The following LRRC72 variants were observed in gnomAD, a reference collection of about 807,000 sequenced individuals.
LRRC72 encodes the protein leucine-rich repeat-containing protein 72.
In LRRC72, 41 loss-of-function variants were observed where a neutral mutation model predicts 35.8. The ratio of observed to expected loss-of-function variants is 1.15; its 90% CI spans 0.89 to 1.49. LRRC72 has a LOEUF of 1.49. Among genes scored for constraint, LRRC72 ranks in the 40% most tolerant of loss-of-function variants. The pLI, the probability that LRRC72 is intolerant of heterozygous loss-of-function variation, is 0.00. For missense variants in LRRC72, 389 were observed against 330.7 expected (o/e 1.18, Z -1.37); for synonymous variants, 118 against 119.2 (o/e 0.99, Z 0.07).
At position 16,540,823 on chromosome 7, in the gene LRRC72, CTGAGGCCTTCCCAGCCA is replaced by C. The variant is rs559060783; in HGVS notation, c.234+3130_234+3146del. 1.5e-3 allele frequency among the ~76,000 whole-genome samples: 222 copies of C among 152,318 alleles called. 1 individual carries two copies. Among genetic ancestry groups the C allele is most frequent in the African/African-American group, 5.1e-3 (214 of 41,568 alleles). ...GCCTTACACCATGACTGTAAGCTTC[CTGAGGCCTTCCCAGCCA>C]TGTGGAACTGTGAGTTAATTAAACC... On this transcript the variant is annotated intron_variant, in intron 3 of 8. Transcript: ENST00000401542.
chr7:16,546,474 C>T (rs961271066), intron 3 of LRRC72, among the ~76,000 whole-genome samples: 22 of 152,048 alleles, frequency 1.4e-4, no homozygotes, highest in African/African-American at 5.1e-4. Flanking sequence ...TTGTCAAATG[C>T]TCCCTGGGGG....
At chr7:16,532,150 T>C (rs1417559581) in intron 1 of LRRC72, among the ~76,000 whole-genome samples, 1 of 152,194 alleles carries the variant, frequency 6.6e-6, no homozygotes, top group Non-Finnish European at 1.5e-5. Flanking sequence ...TAATTCTTCA[T>C]GTTCAAAGAA....
Position 16,557,355 on chromosome 7 carries a change from T to A in LRRC72, c.235-5T>A, listed in dbSNP as rs758265674. 1.6e-6 allele frequency: 2 copies of A among 1,219,156 alleles called. No individual in the cohort carries two copies. The highest frequency in any genetic ancestry group is 1.6e-5 in the African/African-American group (1 of 63,510). 75.5% of individuals were successfully genotyped at this position (1,219,156 alleles called of 1,614,324 possible). A position where few individuals can be genotyped will look rare whatever the true frequency, so the allele number is the denominator to read the frequency against. On this transcript the variant is annotated splice_region_variant and splice_polypyrimidine_tract_variant and intron_variant, in intron 3 of 8. Transcript: ENST00000401542. The stretch of plus-strand genomic sequence containing the variant: ...AGTATATTGTTCTCTAACTCTCATT[T>A]TTAGCTCCATGGAATAACATTTCTA...
At chr7:16,575,383 G>C (rs2128339172) in intron 7 of LRRC72, among the ~76,000 whole-genome samples, 1 of 152,256 alleles carries the variant, frequency 6.6e-6, no homozygotes, top group East Asian at 1.9e-4. Context: ...CTAGAAACAA[G>C]TGTGGGACCT....
Position 16,535,619 on chromosome 7 carries a change from T to C in LRRC72, c.165-2008T>C, listed in dbSNP as rs368008100. ...CATGTATGACTTTCCAATTATAAAATTTGTACTTTTACAGTGGCAAGAACT... is the reference window on the plus strand; with the variant it reads ...CATGTATGACTTTCCAATTATAAAACTTGTACTTTTACAGTGGCAAGAACT... On this transcript the variant is annotated intron_variant, in intron 2 of 8. Coordinates refer to ENST00000401542, the MANE Select transcript of LRRC72 (RefSeq NM_001195280.2). 1.8e-4 allele frequency among the ~76,000 whole-genome samples: 28 copies of C among 152,272 alleles called. No homozygotes were observed. In the South Asian group the frequency reaches 5.8e-3, roughly 32 times the overall value.
chr7:16,540,867 C>A (rs1241709195), intron 3 of LRRC72, among the ~76,000 whole-genome samples: 1 of 152,146 alleles, frequency 6.6e-6, no homozygotes, highest in African/African-American at 2.4e-5. Context: ...AATTAAACCT[C>A]TTTTCTTTAT....
chr7:16,542,517 T>A lies in LRRC72; in HGVS notation c.234+4821T>A, dbSNP rs1782374883. ...CAAGGTGGTCCAGGCACAGCTTGGT[T>A]TTATGCATTTTAGGGAGAGGAGACA... On this transcript the variant is annotated intron_variant, in intron 3 of 8. Coordinates refer to ENST00000401542, the MANE Select transcript of LRRC72 (RefSeq NM_001195280.2). Among the ~76,000 whole-genome samples the A allele has an allele frequency of 2.0e-5, 3 of 152,140 alleles. No individual in the cohort carries two copies. In the South Asian group the frequency reaches 6.2e-4, roughly 32 times the overall value.
At chr7:16,544,490 G>A (rs1439863779) in intron 3 of LRRC72, among the ~76,000 whole-genome samples, 2 of 152,112 alleles carry the variant, frequency 1.3e-5, no homozygotes, top group Non-Finnish European at 2.9e-5. Flanking sequence ...CTGCTCTTAG[G>A]TCTAAAGTCT....
chr7:16,577,759 C>A (rs946165084), intron 7 of LRRC72, among the ~76,000 whole-genome samples: 1 of 152,042 alleles, frequency 6.6e-6, no homozygotes, highest in African/African-American at 2.4e-5. Context: ...ATGGACAAGA[C>A]ATATATACAA....
rs559260503 is a variant in LRRC72 at position 16,536,530 on chromosome 7, A to C, written c.165-1097A>C. On this transcript the variant is annotated intron_variant, in intron 2 of 8. Coordinates refer to ENST00000401542, the MANE Select transcript of LRRC72 (RefSeq NM_001195280.2). ...AAATTATCAACCAATAAATATATAA[A>C]TTAGATAGATAGTATGAGCATGTGA... Among the ~76,000 whole-genome samples the C allele has an allele frequency of 3.3e-5, 5 of 152,168 alleles. No individual in the cohort carries two copies. In the East Asian group the frequency reaches 9.7e-4, roughly 29 times the overall value.
At chr7:16,574,870 C>T (rs192017800) in intron 7 of LRRC72, among the ~76,000 whole-genome samples, 2 of 152,104 alleles carry the variant, frequency 1.3e-5, no homozygotes, top group African/African-American at 4.8e-5. Flanking sequence ...AATCCCAGCA[C>T]TTTGGGAGTC....
intron 7 of LRRC72, among the ~76,000 whole-genome samples, chr7:16,578,805 T>A (rs1020892574): frequency 6.6e-6 from 1 of 152,190 alleles, no homozygotes; most frequent in Non-Finnish European, 1.5e-5. Flanking sequence ...AATCCTGTCA[T>A]TTTTTGACAA....
chr7:16,535,935 C>T lies in LRRC72; in HGVS notation c.165-1692C>T, dbSNP rs192025427. Among the ~76,000 whole-genome samples, 618 of 152,308 alleles carry T rather than the reference C, an allele frequency of 4.1e-3. 3 individuals are homozygous for T. The highest frequency in any genetic ancestry group is 6.8e-3 in the Non-Finnish European group (465 of 68,034). ...TCACCCAGGCTGGAGTGCCATGGCA[C>T]GATCTCGGCTCACTGCAACCTCTGT... On this transcript the variant is annotated intron_variant, in intron 2 of 8. Transcript: ENST00000401542.
intron 1 of LRRC72, chr7:16,530,506 A>C (rs971915115): frequency 2.6e-5 from 4 of 152,236 alleles, no homozygotes; most frequent in Non-Finnish European, 5.9e-5. Context: ...ATAATGTTTT[A>C]CCAGCTTCTG....
chr7:16,564,726 CT>C lies in LRRC72; in HGVS notation c.428-1583del, dbSNP rs551732564. On this transcript the variant is annotated intron_variant, in intron 5 of 8. Coordinates refer to ENST00000401542, the MANE Select transcript of LRRC72 (RefSeq NM_001195280.2). ...CCACAGGGAATAGCTATATATAACG[CT>C]TTTATTAGCCAGAAAAAGTTGTGTT... Among the ~76,000 whole-genome samples the C allele has an allele frequency of 2.0e-5, 3 of 152,176 alleles. No individual in the cohort carries two copies. The East Asian group carries it at 5.8e-4, about 29-fold the overall frequency.
intron 5 of LRRC72, 52 bp from the exon 6 acceptor site, chr7:16,566,261 G>A: frequency 1.7e-6 from 2 of 1,206,826 alleles, no homozygotes; most frequent in Non-Finnish European, 2.3e-6. Flanking sequence ...TAAGTGATAA[G>A]TGAAACTGAT....
intron 5 of LRRC72, among the ~76,000 whole-genome samples, chr7:16,561,138 T>C (rs1485938203): frequency 6.6e-6 from 1 of 152,184 alleles, no homozygotes; most frequent in Non-Finnish European, 1.5e-5. Flanking sequence ...ACACATTCAC[T>C]ACATGACACT....
chr7:16,540,573 G>A (rs1782339483), intron 3 of LRRC72, among the ~76,000 whole-genome samples: 1 of 152,126 alleles, frequency 6.6e-6, no homozygotes, highest in Non-Finnish European at 1.5e-5. Context: ...AAAATGATAT[G>A]GTTTGGCTCT....
intron 1 of LRRC72, among the ~76,000 whole-genome samples, chr7:16,532,189 A>C (rs1782178295): frequency 6.6e-6 from 1 of 152,170 alleles, no homozygotes; most frequent in Non-Finnish European, 1.5e-5. Context: ...TTAAAGACCA[A>C]ATTACCTTGC....
Sources: gnomAD v4.1 joint callset for allele counts (sites outside exome capture counted in the v4.1 genomes callset) on GRCh38, gnomAD v4.1.1 for gene constraint, MANE v1.5 for transcripts, NCBI Gene and HGNC (gene_info 2026-07-23, HGNC 2026-07-21) for gene names.